The following ABLIM1 variants were observed in gnomAD, a reference collection of about 807,000 sequenced individuals.
ABLIM1 encodes the protein actin binding LIM protein 1.
In ABLIM1, 40 loss-of-function variants were observed where a neutral mutation model predicts 107.0. The ratio of observed to expected loss-of-function variants is 0.37; its 90% CI spans 0.29 to 0.49. The LOEUF (loss-of-function observed/expected upper bound fraction) is 0.49, where lower values mean the gene tolerates loss of function less well. Among genes scored for constraint, ABLIM1 ranks in the 20% least tolerant of loss-of-function variants. ABLIM1 has a pLI of 0.97. For synonymous variants in ABLIM1, 357 were observed against 357.3 expected (o/e 1.00, Z 0.01); for missense variants, 857 against 1,008.5 (o/e 0.85, Z 2.04).
chr10:114,766,272 A>T (rs138359336), intron 1 of ABLIM1, among the ~76,000 whole-genome samples: 10 of 152,344 alleles, frequency 6.6e-5, no homozygotes, highest in African/African-American at 2.4e-4. Context: ...TTATTATTAT[A>T]GATATTTTTC....
At chr10:114,625,216 T>A (rs1217955232) in intron 1 of ABLIM1, among the ~76,000 whole-genome samples, 1 of 152,136 alleles carries the variant, frequency 6.6e-6, no homozygotes, top group Non-Finnish European at 1.5e-5. Context: ...GGCTAGCATA[T>A]GTGAAAGAAG....
chr10:114,699,645 T>C (rs116664793), intron 1 of ABLIM1, among the ~76,000 whole-genome samples: 3,906 of 152,218 alleles, frequency 0.026, 75 homozygotes, highest in Middle Eastern at 0.051. Context: ...ATAAAATGGC[T>C]CTATATCAAT....
chr10:114,528,813 G>A (rs548405732), intron 6 of ABLIM1, among the ~76,000 whole-genome samples: 1 of 152,350 alleles, frequency 6.6e-6, no homozygotes, highest in African/African-American at 2.4e-5. Context: ...ATACAGTATT[G>A]TTAATGATAG....
intron 1 of ABLIM1, among the ~76,000 whole-genome samples, chr10:114,605,971 G>A (rs141851324): frequency 3.9e-5 from 6 of 152,258 alleles, no homozygotes; most frequent in South Asian, 4.1e-4. Flanking sequence ...CTGGGGGAAG[G>A]AGACCATTAA....
intron 1 of ABLIM1, among the ~76,000 whole-genome samples, chr10:114,736,761 G>A (rs574904440): frequency 1.3e-5 from 2 of 152,142 alleles, no homozygotes; most frequent in African/African-American, 4.8e-5. Flanking sequence ...GCAAGTATAT[G>A]TTGCTGAACA....
chr10:114,684,453 C>T, exon 1 of ABLIM1: 3 of 1,543,552 alleles, frequency 1.9e-6, no homozygotes, highest in Non-Finnish European at 2.6e-6. Flanking sequence ...TGGCTCTCCT[C>T]CCAGGAGTCT....
Position 114,441,047 on chromosome 10 carries a change from T to C in ABLIM1, c.2029A>G (p.Ser677Gly), listed in dbSNP as rs955524007. The change falls in exon 19 of 23, where the codon AGC (serine) becomes GGC (glycine). Residue 677 changes from serine (S) to glycine (G), a missense_variant. Physicochemically the swap from Ser to Gly is moderately conservative, Grantham distance 56. Transcript: ENST00000533213. ...PVSTDFAQYN[S>G]YGDVSGGVRD... ...ACTCCCCCGCTGACATCCCCATAGC[T>C]GTTATACTGAGCGAAGTCGGTAGAA... 1.3e-6 allele frequency: 2 copies of C among 1,590,288 alleles called. No individual in the cohort carries two copies. Among genetic ancestry groups the C allele is most frequent in the Non-Finnish European group, 8.6e-7 (1 of 1,167,310 alleles).
At chr10:114,533,678 T>C (rs1004892556) in intron 6 of ABLIM1, among the ~76,000 whole-genome samples, 3 of 152,126 alleles carry the variant, frequency 2.0e-5, no homozygotes, top group African/African-American at 7.2e-5. Context: ...GTTGTTGTTG[T>C]TGTTTTGAGA....
chr10:114,507,429 G>A (rs1045908811), intron 6 of ABLIM1, among the ~76,000 whole-genome samples: 5 of 152,196 alleles, frequency 3.3e-5, no homozygotes, highest in Non-Finnish European at 7.4e-5. Flanking sequence ...TATTTTTAAG[G>A]CAAGGCTTAC....
intron 1 of ABLIM1, among the ~76,000 whole-genome samples, chr10:114,708,239 A>G (rs992820161): frequency 2.6e-5 from 4 of 152,190 alleles, no homozygotes; most frequent in African/African-American, 4.8e-5. Context: ...CGACCTCAAC[A>G]GGCACCATTC....
intron 1 of ABLIM1, among the ~76,000 whole-genome samples, chr10:114,678,253 A>C (rs572051108): frequency 6.6e-6 from 1 of 152,322 alleles, no homozygotes; most frequent in African/African-American, 2.4e-5. Context: ...GTACCAAGTA[A>C]TATTTTGAAA....
In ABLIM1 at chr10:114,760,404, T is replaced by TCACA. The variant is rs3981296; in HGVS notation, c.-213+7653_-213+7656dup. On this transcript the variant is annotated intron_variant, in intron 1 of 15. Transcript: ENST00000651092. ...TCTCAGCAAGAAGAAAATTTCTCCTTCACACACACACACACACACACACAC... is the reference window on the plus strand; with the variant it reads ...TCTCAGCAAGAAGAAAATTTCTCCTTCACACACACACACACACACACACACACAC... Among the ~76,000 whole-genome samples, 804 of 143,690 alleles carry TCACA rather than the reference T, an allele frequency of 5.6e-3. 2 individuals carry two copies. The highest frequency in any genetic ancestry group is 0.011 in the East Asian group (51 of 4,774). The allele number at this position is 143,690 out of a possible 152,430, so 94.3% of individuals were successfully genotyped here. A position where few individuals can be genotyped will look rare whatever the true frequency, so the allele number is the denominator to read the frequency against.
At chr10:114,662,504 C>T (rs1441883860), upstream of ABLIM1, among the ~76,000 whole-genome samples, 1 of 152,134 alleles carries the variant, frequency 6.6e-6, no homozygotes, top group Non-Finnish European at 1.5e-5. Flanking sequence ...CCCTGGGCAT[C>T]TTCTCTGCAA....
At chr10:114,732,085 C>A (rs541058900) in intron 1 of ABLIM1, among the ~76,000 whole-genome samples, 26 of 132,380 alleles carry the variant, frequency 2.0e-4, no homozygotes, top group Non-Finnish European at 3.5e-4. Context: ...CTCATCAACA[C>A]TTGTATTCTC....
At chr10:114,801,071 T>C in the ABLIM1 span, among the ~76,000 whole-genome samples, 1 of 152,156 alleles carries the variant, frequency 6.6e-6, no homozygotes, top group Non-Finnish European at 1.5e-5. Context: ...ATATATACAT[T>C]ACATACTGCA....
rs771927361 is a variant in ABLIM1 at position 114,658,040 on chromosome 10, C to T, written c.161G>A (p.Arg54His). The change falls in exon 1 of 23, where the codon CGT becomes CAT. Residue 54 changes from arginine to histidine, a missense_variant. Physicochemically the swap from Arg to His is conservative, Grantham distance 29. Coordinates refer to ENST00000533213, the MANE Select transcript of ABLIM1 (RefSeq NM_002313.7). The part of the protein sequence containing the change: ...VSGTSFTAHR[R>H]ATITHLLYLC... ...ATACAGCAAATGAGTGATAGTGGCA[C>T]GCCTATGAGCGGTGAAGGAGGTCCC... 60 of 1,614,046 alleles carry T rather than the reference C, an allele frequency of 3.7e-5. No homozygotes were observed. The highest frequency in any genetic ancestry group is 2.2e-4 in the East Asian group (10 of 44,896).
At chr10:114,535,619 A>G (rs1001405157) in intron 6 of ABLIM1, among the ~76,000 whole-genome samples, 8 of 152,172 alleles carry the variant, frequency 5.3e-5, no homozygotes, top group African/African-American at 1.9e-4. Flanking sequence ...CAAGCCTAGC[A>G]TAGAATCTTG....
chr10:114,780,456 T>G, the ABLIM1 span, among the ~76,000 whole-genome samples: 1 of 152,110 alleles, frequency 6.6e-6, no homozygotes, highest in Non-Finnish European at 1.5e-5. Context: ...GAACAAAAAG[T>G]GGATTAGTCA....
chr10:114,761,086 C>T (rs950835176), intron 1 of ABLIM1, among the ~76,000 whole-genome samples: 5 of 152,042 alleles, frequency 3.3e-5, no homozygotes. Context: ...TCTTAGTGCA[C>T]TAATCTTTAC....
Sources: allele counts gnomAD v4.1 joint callset (sites outside exome capture counted in the v4.1 genomes callset), GRCh38; gene constraint gnomAD v4.1.1; transcripts MANE v1.5; gene names NCBI Gene and HGNC (gene_info 2026-07-23, HGNC 2026-07-21).